TNR: variants seen among roughly 807,000 people sequenced by gnomAD.
TNR encodes tenascin R, also known as tenascin-R.
TNR carries 45 observed loss-of-function variants against 150.4 expected under a neutral mutation model. The ratio of observed to expected loss-of-function variants is 0.30; its 90% CI spans 0.24 to 0.38. The LOEUF (loss-of-function observed/expected upper bound fraction) is 0.38. TNR is among the 10% of genes least tolerant of loss of function. The pLI is 1.00. For synonymous variants in TNR, 687 were observed against 678.4 expected (o/e 1.01, Z -0.20); for missense variants, 1,544 against 1,759.1 (o/e 0.88, Z 2.19).
chr1:175,368,116 G>C (rs1199879894), intron 9 of TNR, among the ~76,000 whole-genome samples: 1 of 152,180 alleles, frequency 6.6e-6, no homozygotes, highest in Non-Finnish European at 1.5e-5. Context: ...CAGACTAACT[G>C]GTTTGACTGG....
intron 1 of TNR, among the ~76,000 whole-genome samples, chr1:175,568,980 T>C (rs1166454010): frequency 1.3e-5 from 2 of 152,100 alleles, no homozygotes; most frequent in African/African-American, 2.4e-5. Flanking sequence ...GGCTTTTTTT[T>C]CTAGTCTCAG....
intron 1 of TNR, among the ~76,000 whole-genome samples, chr1:175,728,521 T>G (rs908290473): frequency 6.6e-6 from 1 of 152,224 alleles, no homozygotes; most frequent in Non-Finnish European, 1.5e-5. Flanking sequence ...TGAAGCCTCA[T>G]CACCCAAATT....
chr1:175,614,988 G>A (rs1402861418), intron 1 of TNR, among the ~76,000 whole-genome samples: 1 of 152,244 alleles, frequency 6.6e-6, no homozygotes, highest in Non-Finnish European at 1.5e-5. Context: ...GGGCTGCTAT[G>A]CAGCCATCTG....
At chr1:175,393,248 C>T (rs1453778930) in intron 6 of TNR, among the ~76,000 whole-genome samples, 2 of 152,066 alleles carry the variant, frequency 1.3e-5, no homozygotes, top group Non-Finnish European at 2.9e-5. Flanking sequence ...AAAAAAGTTG[C>T]TAAATTAATA....
intron 1 of TNR, among the ~76,000 whole-genome samples, chr1:175,611,016 T>C (rs562323224): frequency 6.6e-6 from 1 of 152,246 alleles, no homozygotes; most frequent in Non-Finnish European, 1.5e-5. Flanking sequence ...CCTGTCCGGA[T>C]GCTGTTGCCT....
chr1:175,717,022 A>G (rs943427647), intron 1 of TNR, among the ~76,000 whole-genome samples: 10 of 152,164 alleles, frequency 6.6e-5, no homozygotes, highest in African/African-American at 1.9e-4. Flanking sequence ...TTACTTATAC[A>G]TTAGCCATAG....
At chr1:175,462,263 C>A (rs1335757220) in intron 2 of TNR, among the ~76,000 whole-genome samples, 1 of 152,126 alleles carries the variant, frequency 6.6e-6, no homozygotes, top group Non-Finnish European at 1.5e-5. Context: ...AGATGACAAA[C>A]AAGGATGGGT....
At chr1:175,402,338 A>T (rs1482968176) in intron 4 of TNR, among the ~76,000 whole-genome samples, 2 of 148,786 alleles carry the variant, frequency 1.3e-5, no homozygotes, top group Non-Finnish European at 3.0e-5. Context: ...AAAAAAAAAA[A>T]GGGAATCAGC....
rs1372903417 is a variant in TNR at position 175,337,671 on chromosome 1, C to G, written c.3391G>C (p.Val1131Leu). ...GCACAGTCTTGGGGATGAGGGAACA[C>G]CCGGCCTCCTGCAAGGAAAATAGAC... ...TSTAFTTGGR[V>L]FPHPQDCAQH... The change falls in exon 19 of 23, where the codon GTG becomes CTG. Residue 1131 changes from valine to leucine, a missense_variant. Physicochemically the swap from Val to Leu is conservative, Grantham distance 32. This residue lies in a region of TNR where 290 missense variants were observed against 429.7 expected (regional missense o/e 0.67). Transcript: ENST00000367674. 3.1e-6 allele frequency: 5 copies of G among 1,614,166 alleles called. No homozygotes were observed. In the South Asian group the frequency reaches 5.5e-5, roughly 18 times the overall value.
At chr1:175,419,616 G>A (rs916163154) in intron 2 of TNR, among the ~76,000 whole-genome samples, 3 of 152,092 alleles carry the variant, frequency 2.0e-5, no homozygotes, top group African/African-American at 7.2e-5. Flanking sequence ...CAAGTAGTTA[G>A]GACTGCAAGT....
intron 4 of TNR, among the ~76,000 whole-genome samples, chr1:175,398,815 A>G (rs973917591): frequency 3.9e-5 from 6 of 152,232 alleles, no homozygotes; most frequent in African/African-American, 1.4e-4. Context: ...ACAGTCTATA[A>G]ACTATTTTCA....
rs1649652247 is a variant in TNR, at chr1:175,330,122, T to C, written c.3745A>G (p.Ser1249Gly). The C allele has an allele frequency of 6.2e-7, 1 of 1,612,142 alleles. No individual in the cohort carries two copies. The highest frequency in any genetic ancestry group is 2.2e-5 in the East Asian group (1 of 44,816). The change falls in exon 21 of 23, where the codon AGC becomes GGC. Residue 1249 changes from serine to glycine, a missense_variant. This residue lies in a region of TNR where 290 missense variants were observed against 429.7 expected (regional missense o/e 0.67). Transcript: ENST00000367674. Reference sequence around the variant, plus strand: ...ATGCGGAGTTTGTACAGGTTTCTGCTGTCCTCGACAGAGAACCTGTCGTAG... The same window carrying C: ...ATGCGGAGTTTGTACAGGTTTCTGCCGTCCTCGACAGAGAACCTGTCGTAG... The part of the protein sequence containing the change: ...ASYDRFSVED[S>G]RNLYKLRIGS...
intron 1 of TNR, among the ~76,000 whole-genome samples, chr1:175,712,957 C>T (rs1357243262): frequency 6.6e-6 from 1 of 152,156 alleles, no homozygotes; most frequent in African/African-American, 2.4e-5. Flanking sequence ...TCCATGATGT[C>T]TATAGGCTCC....
At chr1:175,497,849 C>T (rs1323911240) in intron 2 of TNR, among the ~76,000 whole-genome samples, 10 of 152,272 alleles carry the variant, frequency 6.6e-5, no homozygotes, top group African/African-American at 2.4e-4. Context: ...CATCTTAGGT[C>T]AGGAGTTTGA....
At chr1:175,500,033 C>G (rs1049295466) in intron 2 of TNR, among the ~76,000 whole-genome samples, 1 of 152,182 alleles carries the variant, frequency 6.6e-6, no homozygotes, top group Admixed American at 6.5e-5. Flanking sequence ...CTCCTGCCCC[C>G]GCATATGATG....
intron 2 of TNR, among the ~76,000 whole-genome samples, chr1:175,481,427 A>C (rs766217912): frequency 1.3e-5 from 2 of 152,154 alleles, no homozygotes; most frequent in Non-Finnish European, 2.9e-5. Context: ...GATGAGTTCC[A>C]GTGTGCTCCC....
At chr1:175,718,894 G>A (rs550349175) in intron 1 of TNR, among the ~76,000 whole-genome samples, 11 of 152,292 alleles carry the variant, frequency 7.2e-5, no homozygotes, top group African/African-American at 2.2e-4. Flanking sequence ...TTGGTGCTGG[G>A]CAAGAGAACT....
intron 14 of TNR, among the ~76,000 whole-genome samples, chr1:175,360,101 A>AT (rs1351551813): frequency 6.6e-6 from 1 of 152,218 alleles, no homozygotes; most frequent in Admixed American, 6.5e-5. Flanking sequence ...AATTGTTATA[A>AT]TTTTTTAGTT....
In TNR at chr1:175,319,615, G is replaced by A. The variant is rs1199750844; in HGVS notation, c.*3742C>T. 1 of 152,400 alleles carries A rather than the reference G, an allele frequency of 6.6e-6. No homozygotes were observed. Among genetic ancestry groups the A allele is most frequent in the South Asian group, 2.1e-4 (1 of 4,828 alleles). The allele number at this position is 152,400 out of a possible 1,614,324, so 9.4% of individuals were successfully genotyped here. Reference sequence around the variant, plus strand: ...TAGAGGGGGAAGTTGGTAGGTGAGGGACAGGTGGATTCAAATATTTGTAGA... The same window carrying A: ...TAGAGGGGGAAGTTGGTAGGTGAGGAACAGGTGGATTCAAATATTTGTAGA... On this transcript the variant is annotated 3_prime_UTR_variant, in exon 23 of 23. Transcript: ENST00000367674.
Sources: allele counts gnomAD v4.1 joint callset (sites outside exome capture counted in the v4.1 genomes callset), GRCh38; gene constraint gnomAD v4.1.1; regional missense constraint gnomAD v4.1.1; transcripts MANE v1.5; gene names NCBI Gene and HGNC (gene_info 2026-07-23, HGNC 2026-07-21).